The following GABRB2 variants were observed in gnomAD, a reference collection of about 807,000 sequenced individuals.
GABRB2 encodes the protein gamma-aminobutyric acid type A receptor subunit beta2.
In GABRB2, 16 loss-of-function variants were observed where a neutral mutation model predicts 54.7. The ratio of observed to expected loss-of-function variants is 0.29; its 90% CI spans 0.20 to 0.44. The LOEUF (loss-of-function observed/expected upper bound fraction) is 0.44, where lower values mean the gene tolerates loss of function less well. Ranked by LOEUF, GABRB2 falls within the 20% of genes least tolerant of loss-of-function variation. The pLI is 1.00. For synonymous variants in GABRB2, 244 were observed against 233.8 expected, an observed-to-expected ratio of 1.04 and a Z score of -0.40; for missense variants, 355 against 644.0, an observed-to-expected ratio of 0.55 and a Z score of 4.86.
chr5:161,489,022 A>G (rs1477588450), intron 3 of GABRB2, among the ~76,000 whole-genome samples: 1 of 151,768 alleles, frequency 6.6e-6, no homozygotes, highest in African/African-American at 2.4e-5. Flanking sequence ...AAGAAATGCA[A>G]GACATGCTGA....
intron 3 of GABRB2, among the ~76,000 whole-genome samples, chr5:161,520,431 T>C (rs754414368): frequency 4.7e-4 from 72 of 152,130 alleles, no homozygotes; most frequent in Non-Finnish European, 9.4e-4. Flanking sequence ...TGAAACCATG[T>C]AGTTACAAAA....
chr5:161,530,589 A>G (rs931531079), intron 3 of GABRB2, among the ~76,000 whole-genome samples: 1 of 152,140 alleles, frequency 6.6e-6, no homozygotes, highest in African/African-American at 2.4e-5. Flanking sequence ...CCAATGTCTT[A>G]TAGAAGAGAA....
chr5:161,346,430 T>C (rs2113425618), intron 5 of GABRB2, among the ~76,000 whole-genome samples: 1 of 152,266 alleles, frequency 6.6e-6, no homozygotes, highest in South Asian at 2.1e-4. Context: ...GCCAATTGAA[T>C]GGTCCAGGTG....
chr5:161,403,587 C>G (rs911514871), intron 5 of GABRB2, among the ~76,000 whole-genome samples: 4 of 151,986 alleles, frequency 2.6e-5, no homozygotes, highest in African/African-American at 9.7e-5. Flanking sequence ...CCAAGATAAG[C>G]CAGCACACAT....
intron 5 of GABRB2, among the ~76,000 whole-genome samples, chr5:161,386,110 A>C (rs936092027): frequency 6.6e-6 from 1 of 152,048 alleles, no homozygotes; most frequent in African/African-American, 2.4e-5. Flanking sequence ...AATTTGATGC[A>C]ATGGACCCAG....
In GABRB2 at chr5:161,481,299, CT is replaced by C. The variant is rs1302243221; in HGVS notation, c.238-21456del. 7.2e-5 allele frequency among the ~76,000 whole-genome samples: 11 copies of C among 152,116 alleles called. No individual in the cohort carries two copies. The East Asian group carries it at 2.1e-3, about 30-fold the overall frequency. ...TATGAGAAGTAAAATATATAAAGGCCTGGCACACATAGGAAATCAATATGTG... is the reference window on the plus strand; with the variant it reads ...TATGAGAAGTAAAATATATAAAGGCCGGCACACATAGGAAATCAATATGTG... On this transcript the variant is annotated intron_variant, in intron 3 of 9. Transcript: ENST00000393959.
At position 161,294,434 on chromosome 5, in the gene GABRB2, A is replaced by C. The variant is rs759226981; in HGVS notation, c.1192-6T>G. 7 of 1,607,110 alleles carry C rather than the reference A, an allele frequency of 4.4e-6. No homozygotes were observed. The highest frequency in any genetic ancestry group is 1.7e-4 in the Middle Eastern group (1 of 6,030). On this transcript the variant is annotated splice_region_variant and splice_polypyrimidine_tract_variant and intron_variant, in intron 9 of 9. Transcript: ENST00000393959. ...ATGTTCTCATGGGGGTCCATCTGCA[A>C]GGGAAGAGAATCAAAAAGACAATCA...
chr5:161,510,721 C>T (rs903602520), intron 3 of GABRB2, among the ~76,000 whole-genome samples: 4 of 151,812 alleles, frequency 2.6e-5, no homozygotes, highest in South Asian at 2.1e-4. Flanking sequence ...CTACAACCTC[C>T]AACTCATAAA....
chr5:161,427,434 T>C (rs1757034317), intron 4 of GABRB2, among the ~76,000 whole-genome samples: 1 of 152,058 alleles, frequency 6.6e-6, no homozygotes. Flanking sequence ...TTTCTGGAGA[T>C]GATGGGTAAA....
At chr5:161,498,893 A>T (rs1180832518) in intron 3 of GABRB2, among the ~76,000 whole-genome samples, 1 of 152,180 alleles carries the variant, frequency 6.6e-6, no homozygotes, top group Non-Finnish European at 1.5e-5. Context: ...TATCTTAAGC[A>T]GTAGAGCATA....
At chr5:161,525,128 C>A (rs1383061206) in intron 3 of GABRB2, among the ~76,000 whole-genome samples, 1 of 151,198 alleles carries the variant, frequency 6.6e-6, no homozygotes, top group Non-Finnish European at 1.5e-5. Flanking sequence ...GTTGGGAGTG[C>A]AAAAGCAAGC....
In GABRB2 at chr5:161,425,661, GA is replaced by G. The variant is rs556000853; in HGVS notation, c.459-14605del. Among the ~76,000 whole-genome samples, 446 of 151,964 alleles carry G rather than the reference GA, an allele frequency of 2.9e-3. 3 individuals are homozygous for G. The highest frequency in any genetic ancestry group is 6.8e-3 in the Middle Eastern group (2 of 294). ...TATTTGCTTTATTGCAGTGGTCTAG[GA>G]AAAAAACCTGCAATATCTCTGAGGT... On this transcript the variant is annotated intron_variant, in intron 4 of 9. Transcript: ENST00000393959.
rs185228725 is a variant in GABRB2 at position 161,308,546 on chromosome 5, A to G, written c.1192-14118T>C. 1.8e-3 allele frequency among the ~76,000 whole-genome samples: 269 copies of G among 152,300 alleles called. 2 individuals carry two copies. The highest frequency in any genetic ancestry group is 4.1e-4 in the Non-Finnish European group (28 of 68,016). ...TCCTAAAGTACCAAAAAGGAGCCCA[A>G]ATAGCCAAGGCAATCATAAGCAAAA... On this transcript the variant is annotated intron_variant, in intron 9 of 9. Transcript: ENST00000393959.
chr5:161,499,750 G>A (rs189863876), intron 3 of GABRB2, among the ~76,000 whole-genome samples: 40 of 152,280 alleles, frequency 2.6e-4, no homozygotes, highest in Middle Eastern at 3.4e-3. Context: ...AAGGTCAAGC[G>A]TTCTGTCATC....
intron 3 of GABRB2, among the ~76,000 whole-genome samples, chr5:161,474,636 C>T (rs1485689316): frequency 6.6e-6 from 1 of 151,758 alleles, no homozygotes; most frequent in Non-Finnish European, 1.5e-5. Flanking sequence ...TCTGCTATTC[C>T]CCTTTTGCTT....
At chr5:161,364,993 T>A (rs1160810842) in intron 5 of GABRB2, among the ~76,000 whole-genome samples, 1 of 152,306 alleles carries the variant, frequency 6.6e-6, no homozygotes, top group Non-Finnish European at 1.5e-5. Flanking sequence ...TGGTCCTTAA[T>A]CATGATCACA....
chr5:161,534,619 A>C (rs1355297685), intron 3 of GABRB2, among the ~76,000 whole-genome samples: 2 of 152,212 alleles, frequency 1.3e-5, no homozygotes, highest in Non-Finnish European at 2.9e-5. Context: ...TTGTTGAAGG[A>C]AAAAAGCAAC....
At chr5:161,409,615 A>G (rs1756448690) in intron 5 of GABRB2, among the ~76,000 whole-genome samples, 1 of 152,136 alleles carries the variant, frequency 6.6e-6, no homozygotes, top group Admixed American at 6.6e-5. Context: ...GGCAGCATAT[A>G]TACCAAAACT....
At chr5:161,453,450 G>T (rs1054203191) in intron 4 of GABRB2, among the ~76,000 whole-genome samples, 1 of 152,092 alleles carries the variant, frequency 6.6e-6, no homozygotes, top group African/African-American at 2.4e-5. Flanking sequence ...GATCTAATGG[G>T]ATTAGTGCCC....
Sources: allele counts gnomAD v4.1 joint callset (sites outside exome capture counted in the v4.1 genomes callset), GRCh38; gene constraint gnomAD v4.1.1; transcripts MANE v1.5; gene names NCBI Gene and HGNC (gene_info 2026-07-23, HGNC 2026-07-21).